ROBO2: variants seen among roughly 807,000 people sequenced by gnomAD.
ROBO2 encodes roundabout homolog 2.
Under a neutral mutation model 160.8 loss-of-function variants are expected in ROBO2, and 53 were observed. The ratio of observed to expected loss-of-function variants is 0.33; its 90% CI spans 0.26 to 0.41. The LOEUF is 0.41. ROBO2 is among the 10% of genes least tolerant of loss of function. The probability of loss-of-function intolerance (pLI) is 1.00; values close to 1 mark genes in which losing one functional copy is unlikely to be tolerated. For synonymous variants in ROBO2, 664 were observed against 611.7 expected (o/e 1.09, Z -1.26); for missense variants, 1,577 against 1,722.4 (o/e 0.92, Z 1.49).
chr3:76,909,678 C>T (rs983503645), intron 2 of ROBO2, among the ~76,000 whole-genome samples: 3 of 152,202 alleles, frequency 2.0e-5, no homozygotes, highest in African/African-American at 7.2e-5. Context: ...TAACCTAGAT[C>T]TTCTGAAACC....
chr3:77,590,741 A>G (rs1000420483), intron 17 of ROBO2, among the ~76,000 whole-genome samples: 1 of 152,114 alleles, frequency 6.6e-6, no homozygotes, highest in Admixed American at 6.6e-5. Context: ...AATATCTCTC[A>G]TAGTTGGTAA....
chr3:77,460,762 A>G (rs1348070099), intron 2 of ROBO2, among the ~76,000 whole-genome samples: 1 of 152,188 alleles, frequency 6.6e-6, no homozygotes, highest in African/African-American at 2.4e-5. Context: ...TATATCTAGC[A>G]CTTATTATAG....
chr3:76,018,893 C>T (rs1178093370), intron 2 of ROBO2, among the ~76,000 whole-genome samples: 1 of 151,920 alleles, frequency 6.6e-6, no homozygotes, highest in African/African-American at 2.4e-5. Context: ...TTATGGCCTC[C>T]CCACATGGTT....
chr3:76,996,094 T>G (rs1275539976), intron 2 of ROBO2, among the ~76,000 whole-genome samples: 3 of 152,200 alleles, frequency 2.0e-5, no homozygotes, highest in African/African-American at 7.2e-5. Context: ...GGTCTAACAT[T>G]TAAGTCTTTA....
chr3:76,933,212 A>G (rs543962638), intron 2 of ROBO2, among the ~76,000 whole-genome samples: 2 of 152,322 alleles, frequency 1.3e-5, no homozygotes, highest in Admixed American at 1.3e-4. Context: ...TGCCAAAAAT[A>G]TGTTAATCTA....
At chr3:76,719,869 G>GTGAGAC (rs2093437763) in intron 2 of ROBO2, among the ~76,000 whole-genome samples, 1 of 120,206 alleles carries the variant, frequency 8.3e-6, no homozygotes, top group African/African-American at 3.2e-5. Flanking sequence ...GGGTGACAGA[G>GTGAGAC]TGAGACTGTG....
At chr3:76,561,679 C>A (rs2084193524) in intron 2 of ROBO2, among the ~76,000 whole-genome samples, 1 of 152,144 alleles carries the variant, frequency 6.6e-6, no homozygotes, top group Non-Finnish European at 1.5e-5. Flanking sequence ...TCTGATGTGA[C>A]TGGGATAAGA....
intron 2 of ROBO2, among the ~76,000 whole-genome samples, chr3:76,845,854 A>C (rs1437862377): frequency 6.6e-6 from 1 of 152,050 alleles, no homozygotes; most frequent in Admixed American, 6.6e-5. Flanking sequence ...TTTCCTCTGA[A>C]GTTCTGGAGA....
chr3:76,658,066 GAATAAATAAATAAATA>G (rs199659732), intron 2 of ROBO2, among the ~76,000 whole-genome samples: 77 of 131,698 alleles, frequency 5.8e-4, no homozygotes, highest in South Asian at 2.6e-3. Context: ...GATCCTGTCT[GAATAAATAAATAAATA>G]AATAAATAAA....
At chr3:77,599,760 A>G (rs912284005) in intron 19 of ROBO2, among the ~76,000 whole-genome samples, 11 of 152,196 alleles carry the variant, frequency 7.2e-5, no homozygotes, top group Non-Finnish European at 1.6e-4. Context: ...ATTATAGCAT[A>G]AATCCATATT....
intron 1 of ROBO2, among the ~76,000 whole-genome samples, chr3:77,057,007 G>A (rs2065815346): frequency 6.6e-6 from 1 of 152,244 alleles, no homozygotes; most frequent in Admixed American, 6.5e-5. Context: ...AAAGACACAT[G>A]CACACGTATG....
At chr3:77,221,730 A>G (rs75561611) in intron 2 of ROBO2, among the ~76,000 whole-genome samples, 4,641 of 152,338 alleles carry the variant, frequency 0.03, 316 homozygotes, top group East Asian at 0.3. Context: ...TAAAATAACA[A>G]TTCCCAAAAG....
At chr3:76,080,520 G>A (rs928971885) in intron 2 of ROBO2, among the ~76,000 whole-genome samples, 12 of 152,158 alleles carry the variant, frequency 7.9e-5, no homozygotes, top group African/African-American at 2.9e-4. Context: ...TTCTGCCATT[G>A]TGAAGTTTCA....
At chr3:77,204,883 C>T (rs1225651461) in intron 2 of ROBO2, among the ~76,000 whole-genome samples, 2 of 152,186 alleles carry the variant, frequency 1.3e-5, no homozygotes, top group East Asian at 1.9e-4. Flanking sequence ...TCAACTGAAA[C>T]GCGACAGTCC....
intron 2 of ROBO2, among the ~76,000 whole-genome samples, chr3:76,145,765 A>G (rs1006507169): frequency 6.6e-6 from 1 of 152,176 alleles, no homozygotes; most frequent in African/African-American, 2.4e-5. Flanking sequence ...TATTCAAACA[A>G]TTTTAGTTTT....
intron 1 of ROBO2, among the ~76,000 whole-genome samples, chr3:77,074,652 C>T (rs1247396349): frequency 6.6e-6 from 1 of 152,088 alleles, no homozygotes; most frequent in Non-Finnish European, 1.5e-5. Flanking sequence ...ATAACCCTTC[C>T]TAGAGAAAGC....
chr3:76,529,533 T>C (rs2082115553), intron 2 of ROBO2, among the ~76,000 whole-genome samples: 1 of 152,190 alleles, frequency 6.6e-6, no homozygotes, highest in African/African-American at 2.4e-5. Context: ...CTGTGGCATA[T>C]TGTGAAATAA....
chr3:77,457,797 T>C (rs922186864), intron 2 of ROBO2, among the ~76,000 whole-genome samples: 1 of 151,986 alleles, frequency 6.6e-6, no homozygotes, highest in African/African-American at 2.4e-5. Context: ...TTTTGTTCGG[T>C]CAAAATAGTA....
chr3:76,740,951 A>G (rs28372009), intron 2 of ROBO2, among the ~76,000 whole-genome samples: 2,754 of 152,184 alleles, frequency 0.018, 69 homozygotes, highest in African/African-American at 0.058. Flanking sequence ...TCTTATCCTT[A>G]TTATTTTAAG....
Sources: allele counts gnomAD v4.1 joint callset (sites outside exome capture counted in the v4.1 genomes callset), GRCh38; gene constraint gnomAD v4.1.1; transcripts MANE v1.5; gene names NCBI Gene and HGNC (gene_info 2026-07-23, HGNC 2026-07-21).